The following SEPTIN10 variants were observed in gnomAD, a reference collection of about 807,000 sequenced individuals.
SEPTIN10 encodes the protein septin 10.
SEPTIN10 carries 66 observed loss-of-function variants against 54.8 expected under a neutral mutation model. The observed-to-expected ratio is 1.21, with a 90% CI of 0.99 to 1.48. SEPTIN10 has a LOEUF of 1.48. Among genes scored for constraint, SEPTIN10 ranks in the 40% most tolerant of loss-of-function variants. The pLI is 0.00. For missense variants in SEPTIN10, 620 were observed against 545.6 expected (o/e 1.14, Z -1.36); for synonymous variants, 161 against 181.0 (o/e 0.89, Z 0.89).
At chr2:109,578,774 A>G (rs992167376) in intron 4 of SEPTIN10, among the ~76,000 whole-genome samples, 20 of 147,202 alleles carry the variant, frequency 1.4e-4, no homozygotes, top group African/African-American at 5.0e-4. Context: ...CTCAAAAAAG[A>G]AAAAAAAAAA....
At chr2:109,555,483 C>T (rs1415820991) in intron 8 of SEPTIN10, among the ~76,000 whole-genome samples, 1 of 152,136 alleles carries the variant, frequency 6.6e-6, no homozygotes, top group East Asian at 1.9e-4. Flanking sequence ...CTGTTGCAGG[C>T]CAAAAGAATG....
chr2:109,581,912 A>C (rs1458988278), intron 4 of SEPTIN10, among the ~76,000 whole-genome samples: 1 of 152,226 alleles, frequency 6.6e-6, no homozygotes, highest in Non-Finnish European at 1.5e-5. Flanking sequence ...ATAATTTCAT[A>C]CCTAGACAAC....
At chr2:109,607,206 T>G (rs1027520423) in intron 1 of SEPTIN10, among the ~76,000 whole-genome samples, 1 of 152,216 alleles carries the variant, frequency 6.6e-6, no homozygotes, top group Non-Finnish European at 1.5e-5. Flanking sequence ...TTCCAAAAAT[T>G]CATATTAGTA....
At chr2:109,571,336 T>C (rs987045494) in intron 5 of SEPTIN10, among the ~76,000 whole-genome samples, 4 of 152,238 alleles carry the variant, frequency 2.6e-5, no homozygotes, top group African/African-American at 4.8e-5. Flanking sequence ...TTAGGTGATT[T>C]TGATGTTGCG....
chr2:109,554,266 C>T lies in SEPTIN10; in HGVS notation c.1029-1047G>A, dbSNP rs991816116. On this transcript the variant is annotated intron_variant, in intron 8 of 10. Transcript: ENST00000397712. ...GATCACCTCCTACCACGATGTAATT[C>T]AAAAACAAACAATAACAAATATGGC... Among the ~76,000 whole-genome samples, 12 of 152,148 alleles carry T rather than the reference C, an allele frequency of 7.9e-5. 1 individual carries two copies. Among genetic ancestry groups the T allele is most frequent in the Admixed American group, 7.9e-4 (12 of 15,272 alleles).
At chr2:109,544,562 G>C in intron 10 of SEPTIN10, 7 of 983,300 alleles carry the variant, frequency 7.1e-6, no homozygotes, top group Non-Finnish European at 7.2e-6. Context: ...GTGGAGCAGG[G>C]TGATAATTTT....
Position 109,565,648 on chromosome 2 carries a change from A to G in SEPTIN10, c.859+115T>C, listed in dbSNP as rs1470105284. 2.4e-5 allele frequency: 22 copies of G among 919,638 alleles called. No individual in the cohort carries two copies. The Middle Eastern group carries it at 3.0e-3, about 127-fold the overall frequency. The allele number at this position is 919,638 out of a possible 1,614,324, so 57.0% of individuals were successfully genotyped here. On this transcript the variant is annotated intron_variant, in intron 7 of 10. Coordinates refer to ENST00000397712, the MANE Select transcript of SEPTIN10 (RefSeq NM_144710.5). ...CTTTGGCTAAAATAGTACACAGCCA[A>G]TTCCTCTGACAACCAATCACATCCA...
intron 1 of SEPTIN10, among the ~76,000 whole-genome samples, chr2:109,609,000 A>G (rs1698634105): frequency 6.6e-6 from 1 of 152,230 alleles, no homozygotes; most frequent in African/African-American, 2.4e-5. Context: ...AGTAGATTAT[A>G]AAAATTTAAG....
At chr2:109,590,097 C>T (rs568113032) in intron 2 of SEPTIN10, among the ~76,000 whole-genome samples, 1 of 146,444 alleles carries the variant, frequency 6.8e-6, no homozygotes, top group East Asian at 2.0e-4. Context: ...TATATACACA[C>T]ATATATATGT....
chr2:109,551,037 G>T (rs781345851), intron 9 of SEPTIN10, among the ~76,000 whole-genome samples: 12 of 152,174 alleles, frequency 7.9e-5, no homozygotes, highest in Admixed American at 1.3e-4. Flanking sequence ...AGTGGGGAGG[G>T]TATATAGGAA....
At chr2:109,609,370 T>C (rs1698726231) in intron 1 of SEPTIN10, among the ~76,000 whole-genome samples, 1 of 152,068 alleles carries the variant, frequency 6.6e-6, no homozygotes, top group African/African-American at 2.4e-5. Flanking sequence ...AGAAAACAGA[T>C]CATTTAATTA....
chr2:109,548,450 G>A (rs1475150153), intron 9 of SEPTIN10, among the ~76,000 whole-genome samples: 5 of 152,186 alleles, frequency 3.3e-5, no homozygotes, highest in African/African-American at 7.2e-5. Context: ...ATTGGCTCAC[G>A]GAGGTTTACA....
intron 9 of SEPTIN10, among the ~76,000 whole-genome samples, 188 bp from the exon 10 acceptor site, chr2:109,546,425 T>C (rs1681265601): frequency 6.6e-6 from 1 of 152,188 alleles, no homozygotes; most frequent in South Asian, 2.1e-4. Context: ...TTGGTAACTT[T>C]AATTTAAATG....
chr2:109,580,075 C>T (rs980392402), intron 4 of SEPTIN10, among the ~76,000 whole-genome samples: 5 of 151,772 alleles, frequency 3.3e-5, no homozygotes, highest in Admixed American at 6.6e-5. Flanking sequence ...GAGCCTAGAT[C>T]GCACCACTGC....
At chr2:109,559,976 A>G (rs1255843257) in intron 8 of SEPTIN10, among the ~76,000 whole-genome samples, 6 of 137,006 alleles carry the variant, frequency 4.4e-5, no homozygotes, top group Non-Finnish European at 9.0e-5. Context: ...GCTGGAGTGC[A>G]GTGGCATGAT....
At chr2:109,548,891 T>C (rs1018450023) in intron 9 of SEPTIN10, among the ~76,000 whole-genome samples, 2 of 152,004 alleles carry the variant, frequency 1.3e-5, no homozygotes, top group Non-Finnish European at 2.9e-5. Context: ...AAAACTGTTA[T>C]GTTCCAAATA....
chr2:109,567,049 A>C (rs1573528095), intron 6 of SEPTIN10, among the ~76,000 whole-genome samples: 1 of 152,302 alleles, frequency 6.6e-6, no homozygotes, highest in East Asian at 1.9e-4. Flanking sequence ...AGGTACACTA[A>C]TATAAAAGTG....
intron 1 of SEPTIN10, among the ~76,000 whole-genome samples, chr2:109,611,986 T>C (rs1699359059): frequency 6.6e-6 from 1 of 152,264 alleles, no homozygotes; most frequent in East Asian, 1.9e-4. Context: ...TGGGCATCTA[T>C]CCCAAAGAAC....
At position 109,562,532 on chromosome 2, in the gene SEPTIN10, A is replaced by C. The variant is rs187854275; in HGVS notation, c.1028+1834T>G. On this transcript the variant is annotated intron_variant, in intron 8 of 10. Coordinates refer to ENST00000397712, the MANE Select transcript of SEPTIN10 (RefSeq NM_144710.5). Reference sequence around the variant, plus strand: ...AGACAAACTATTTGCTGAATGACTAAGAATTCTGACTGCAGATTTCTAGGC... The same window carrying C: ...AGACAAACTATTTGCTGAATGACTACGAATTCTGACTGCAGATTTCTAGGC... Among the ~76,000 whole-genome samples the C allele has an allele frequency of 2.2e-5, 3 of 134,136 alleles. No individual in the cohort carries two copies. The Admixed American group carries it at 3.0e-4, about 14-fold the overall frequency. 88.0% of individuals were successfully genotyped at this position (134,136 alleles called of 152,430 possible). A position where few individuals can be genotyped will look rare whatever the true frequency, so the allele number is the denominator to read the frequency against.
Sources: allele counts gnomAD v4.1 joint callset (sites outside exome capture counted in the v4.1 genomes callset), GRCh38; gene constraint gnomAD v4.1.1; transcripts MANE v1.5; gene names NCBI Gene and HGNC (gene_info 2026-07-23, HGNC 2026-07-21).